The following RBFOX1 variants were observed in gnomAD, a reference collection of about 807,000 sequenced individuals.
The protein encoded by RBFOX1 is RNA binding protein fox-1 homolog 1.
Under a neutral mutation model 57.7 loss-of-function variants are expected in RBFOX1, and 8 were observed. The ratio of observed to expected loss-of-function variants is 0.14; its 90% CI spans 0.08 to 0.25. The LOEUF (loss-of-function observed/expected upper bound fraction) is 0.25. Ranked by LOEUF, RBFOX1 falls within the 10% of genes least tolerant of loss-of-function variation. The pLI, the probability that RBFOX1 is intolerant of heterozygous loss-of-function variation, is 1.00. For missense variants in RBFOX1, 611 were observed against 548.5 expected, an observed-to-expected ratio of 1.11 and a Z score of -1.14; for synonymous variants, 326 against 222.4, an observed-to-expected ratio of 1.47 and a Z score of -4.15.
At chr16:6,622,286 A>T (rs150858392) in intron 2 of RBFOX1, among the ~76,000 whole-genome samples, 3 of 152,332 alleles carry the variant, frequency 2.0e-5, no homozygotes, top group African/African-American at 7.2e-5. Flanking sequence ...TGGTCCTATA[A>T]GATTATAATG....
At position 7,407,018 on chromosome 16, in the gene RBFOX1, C is replaced by A. The variant is rs1223263310; in HGVS notation, c.28-111129C>A. Among the ~76,000 whole-genome samples the A allele has an allele frequency of 2.6e-5, 4 of 152,092 alleles. No individual in the cohort carries two copies. In the South Asian group the frequency reaches 8.3e-4, roughly 32 times the overall value. On this transcript the variant is annotated intron_variant, in intron 4 of 15. Coordinates refer to ENST00000550418, the MANE Select transcript of RBFOX1 (RefSeq NM_018723.4). ...GACCCAAGTGAGTATGCTGACTAAC[C>A]CTAAGATAATCAAAGATAATCTCCC...
intron 4 of RBFOX1, among the ~76,000 whole-genome samples, chr16:7,204,328 T>A (rs2089451876): frequency 6.6e-6 from 1 of 152,340 alleles, no homozygotes; most frequent in East Asian, 1.9e-4. Flanking sequence ...GCAAACACTT[T>A]AATATTAGCA....
chr16:5,697,876 C>G (rs984979833), intron 3 of RBFOX1, among the ~76,000 whole-genome samples: 4 of 152,124 alleles, frequency 2.6e-5, no homozygotes, highest in African/African-American at 9.7e-5. Flanking sequence ...TTGCAATAGT[C>G]TTTGGTAGAT....
chr16:7,114,266 G>A lies in RBFOX1; in HGVS notation c.27+62168G>A, dbSNP rs2065409007. 4.6e-5 allele frequency among the ~76,000 whole-genome samples: 7 copies of A among 151,810 alleles called. No homozygotes were observed. In the South Asian group the frequency reaches 1.4e-3, roughly 31 times the overall value. The stretch of plus-strand genomic sequence containing the variant: ...TGTGTGTGCACATGAGTGTACTTGT[G>A]TACACATTTTGGAGATTTTATATTC... On this transcript the variant is annotated intron_variant, in intron 4 of 15. Transcript: ENST00000550418.
chr16:7,403,019 G>C (rs573290751), intron 4 of RBFOX1, among the ~76,000 whole-genome samples: 1 of 152,174 alleles, frequency 6.6e-6, no homozygotes, highest in Admixed American at 6.5e-5. Context: ...CCCCGTTCAC[G>C]ATGCAGTTGT....
At chr16:6,628,678 T>C (rs950323592) in intron 2 of RBFOX1, among the ~76,000 whole-genome samples, 7 of 152,166 alleles carry the variant, frequency 4.6e-5, no homozygotes, top group African/African-American at 1.7e-4. Flanking sequence ...TGAGGTAAAA[T>C]TTATTGATAC....
intron 1 of RBFOX1, among the ~76,000 whole-genome samples, chr16:5,241,938 C>CA (rs58653312): frequency 0.02 from 2,844 of 144,602 alleles, 75 homozygotes; most frequent in African/African-American, 0.061. Context: ...TCGCATCTAC[C>CA]AAAAAAAAAA....
intron 2 of RBFOX1, among the ~76,000 whole-genome samples, chr16:6,430,662 A>C (rs1567254162): frequency 6.6e-6 from 1 of 152,062 alleles, no homozygotes; most frequent in Non-Finnish European, 1.5e-5. Flanking sequence ...GGGGAGCGGG[A>C]TGGTCACATA....
intron 3 of RBFOX1, among the ~76,000 whole-genome samples, chr16:6,792,373 C>A (rs1354825037): frequency 1.3e-5 from 2 of 152,124 alleles, no homozygotes; most frequent in African/African-American, 4.8e-5. Context: ...AATTGCATAT[C>A]TTTATGCAGA....
At chr16:5,783,549 C>T (rs1048438292) in intron 3 of RBFOX1, among the ~76,000 whole-genome samples, 2 of 152,180 alleles carry the variant, frequency 1.3e-5, no homozygotes, top group African/African-American at 2.4e-5. Flanking sequence ...CTGTTTTCAT[C>T]GTGGTAAATT....
chr16:6,811,869 A>G (rs1177689775), intron 3 of RBFOX1, among the ~76,000 whole-genome samples: 1 of 152,222 alleles, frequency 6.6e-6, no homozygotes, highest in African/African-American at 2.4e-5. Context: ...AGCCTGGGCA[A>G]CACGAGTGAA....
At chr16:5,820,652 C>A (rs563936374) in intron 3 of RBFOX1, among the ~76,000 whole-genome samples, 11 of 152,292 alleles carry the variant, frequency 7.2e-5, no homozygotes, top group South Asian at 2.1e-4. Flanking sequence ...TGAATCAGCT[C>A]TGAAATCATT....
At chr16:7,557,339 G>T (rs961240607) in intron 5 of RBFOX1, among the ~76,000 whole-genome samples, 1 of 152,066 alleles carries the variant, frequency 6.6e-6, no homozygotes, top group Admixed American at 6.6e-5. Flanking sequence ...ACAAAAAACA[G>T]CCGGGTGTGG....
intron 3 of RBFOX1, among the ~76,000 whole-genome samples, chr16:5,661,312 C>G (rs2049640401): frequency 1.3e-5 from 2 of 152,126 alleles, no homozygotes. Flanking sequence ...ATTTTGTCAC[C>G]TCTGCTTTAC....
At chr16:5,536,576 C>G (rs1323702465) in intron 2 of RBFOX1, among the ~76,000 whole-genome samples, 1 of 152,126 alleles carries the variant, frequency 6.6e-6, no homozygotes, top group Non-Finnish European at 1.5e-5. Context: ...AAGCCGATCA[C>G]TGAGACAATG....
chr16:6,084,896 G>A (rs977529689), intron 1 of RBFOX1, among the ~76,000 whole-genome samples: 3 of 152,174 alleles, frequency 2.0e-5, no homozygotes, highest in African/African-American at 7.2e-5. Flanking sequence ...GGCCAGATAA[G>A]TGCTCTGAGA....
intron 2 of RBFOX1, among the ~76,000 whole-genome samples, chr16:6,569,245 C>G (rs888708732): frequency 6.6e-6 from 1 of 152,182 alleles, no homozygotes; most frequent in Non-Finnish European, 1.5e-5. Context: ...TAAGAAATTA[C>G]TCCCAAAGTT....
At chr16:6,305,061 C>T (rs918745771) in intron 1 of RBFOX1, among the ~76,000 whole-genome samples, 2 of 152,096 alleles carry the variant, frequency 1.3e-5, no homozygotes, top group African/African-American at 2.4e-5. Flanking sequence ...TGTGTGAGAG[C>T]TAATCACAGC....
At chr16:5,417,537 A>G (rs2067193308) in intron 1 of RBFOX1, among the ~76,000 whole-genome samples, 1 of 151,870 alleles carries the variant, frequency 6.6e-6, no homozygotes, top group South Asian at 2.1e-4. Context: ...AAGATGATCA[A>G]TCGTGGATTT....
Sources: gnomAD v4.1 joint callset for allele counts (sites outside exome capture counted in the v4.1 genomes callset) on GRCh38, gnomAD v4.1.1 for gene constraint, MANE v1.5 for transcripts, NCBI Gene and HGNC (gene_info 2026-07-23, HGNC 2026-07-21) for gene names.